Variants in PDE1C observed in about 807,000 individuals in gnomAD.
The protein encoded by PDE1C is phosphodiesterase 1C, also known as dual specificity calcium/calmodulin-dependent 3',5'-cyclic nucleotide phosphodiesterase 1C.
In PDE1C, 62 loss-of-function variants were observed where a neutral mutation model predicts 93.1. That is an observed-to-expected ratio of 0.67 (90% CI 0.54 to 0.82). PDE1C has a LOEUF of 0.82. Among genes scored for constraint, PDE1C ranks in the 40% least tolerant of loss-of-function variants. PDE1C has a pLI of 0.00. For missense variants in PDE1C, 742 were observed against 884.6 expected, an observed-to-expected ratio of 0.84 and a Z score of 2.04; for synonymous variants, 325 against 310.1, an observed-to-expected ratio of 1.05 and a Z score of -0.50.
At chr7:31,731,130 G>C in the PDE1C span, among the ~76,000 whole-genome samples, 439 of 152,140 alleles carry the variant, frequency 2.9e-3, 4 homozygotes, top group African/African-American at 9.8e-3. Flanking sequence ...ATGATGCCGT[G>C]TGACTTCTGT....
In PDE1C at chr7:32,147,308, GAAAGAAAGAAAGAA is replaced by G. The variant is rs1563352884; in HGVS notation, c.308+22463_308+22476del. Among the ~76,000 whole-genome samples, 185 of 146,280 alleles carry G rather than the reference GAAAGAAAGAAAGAA, an allele frequency of 1.3e-3. 1 individual carries two copies. Among genetic ancestry groups the G allele is most frequent in the African/African-American group, 4.9e-3 (181 of 36,836 alleles). The stretch of plus-strand genomic sequence containing the variant: ...AGAAAGAAAGAAAGAAAGAAAGAAA[GAAAGAAAGAAAGAA>G]AGAAAGAAAGACGCTGTTTGTAGGT... On this transcript the variant is annotated intron_variant, in intron 3 of 18. Coordinates refer to the PDE1C transcript ENST00000396193.
intron 1 of PDE1C, among the ~76,000 whole-genome samples, chr7:32,272,046 G>A (rs1454384528): frequency 1.3e-5 from 2 of 152,214 alleles, no homozygotes; most frequent in Admixed American, 6.5e-5. Context: ...TTGGAAGGAC[G>A]TTGCCTGAGA....
chr7:32,143,542 T>C (rs1028904623), intron 3 of PDE1C, among the ~76,000 whole-genome samples: 3 of 152,018 alleles, frequency 2.0e-5, no homozygotes, highest in Non-Finnish European at 2.9e-5. Flanking sequence ...AAATTCCTCC[T>C]GTCTGGGGGG....
At chr7:32,107,286 GAGGGAGGGAGGGAGGAAAGGAAGGAAAGA>G (rs1798376082) in intron 3 of PDE1C, among the ~76,000 whole-genome samples, 1 of 149,410 alleles carries the variant, frequency 6.7e-6, no homozygotes, top group Admixed American at 6.7e-5. Flanking sequence ...GGGAGGGAAG[GAGGGAGGGAGGGAGGAAAGGAAGGAAAGA>G]AGGAAGGGAG....
the PDE1C span, among the ~76,000 whole-genome samples, chr7:31,732,211 G>A: frequency 6.6e-6 from 1 of 152,150 alleles, no homozygotes; most frequent in Non-Finnish European, 1.5e-5. Flanking sequence ...TCTTGTGGTG[G>A]TACCAGCTGA....
chr7:32,189,056 T>C lies in PDE1C; in HGVS notation c.137-19100A>G, dbSNP rs142145613. The stretch of plus-strand genomic sequence containing the variant: ...ATTACATCTGTCCTTATCCAACTGA[T>C]GTGCACAGCCCAGAGATAATTTTCA... On this transcript the variant is annotated intron_variant, in intron 2 of 18. Transcript: ENST00000396193. Among the ~76,000 whole-genome samples, 123 of 152,334 alleles carry C rather than the reference T, an allele frequency of 8.1e-4. 1 individual carries two copies. In the East Asian group the frequency reaches 0.014, roughly 18 times the overall value.
intron 1 of PDE1C, among the ~76,000 whole-genome samples, chr7:32,212,726 G>A (rs1806138658): frequency 6.6e-6 from 1 of 152,040 alleles, no homozygotes; most frequent in South Asian, 2.1e-4. Context: ...CATCCTTTAA[G>A]ATCCAGGTGG....
intron 2 of PDE1C, among the ~76,000 whole-genome samples, chr7:31,916,662 G>T (rs1470908432): frequency 2.0e-5 from 3 of 152,178 alleles, no homozygotes; most frequent in Non-Finnish European, 4.4e-5. Context: ...CCTGCACCAG[G>T]TCCTGCTTTA....
At chr7:32,367,325 T>C (rs559350652) in intron 1 of PDE1C, among the ~76,000 whole-genome samples, 1 of 151,778 alleles carries the variant, frequency 6.6e-6, no homozygotes, top group East Asian at 1.9e-4. Context: ...ACCACAAAAA[T>C]AAACAATAAC....
chr7:32,398,864 C>G (rs1784890329), intron 1 of PDE1C, among the ~76,000 whole-genome samples: 1 of 152,054 alleles, frequency 6.6e-6, no homozygotes, highest in Non-Finnish European at 1.5e-5. Context: ...AGGTCAGCCT[C>G]CCAGATTAGG....
At chr7:31,905,613 G>A (rs1239914226) in intron 2 of PDE1C, among the ~76,000 whole-genome samples, 3 of 152,052 alleles carry the variant, frequency 2.0e-5, no homozygotes. Context: ...ATATTGCTAT[G>A]AGCATAGTGG....
At chr7:32,337,715 G>A (rs1041754265) in intron 1 of PDE1C, among the ~76,000 whole-genome samples, 2 of 108,570 alleles carry the variant, frequency 1.8e-5, no homozygotes, top group Non-Finnish European at 4.6e-5. Context: ...GAGGAGAGGA[G>A]AAAAGGGAAA....
chr7:32,426,790 T>G (rs1365545614), intron 1 of PDE1C, among the ~76,000 whole-genome samples: 1 of 152,212 alleles, frequency 6.6e-6, no homozygotes, highest in Non-Finnish European at 1.5e-5. Context: ...TTCAAGGGAA[T>G]AAGGATATAT....
intron 7 of PDE1C, among the ~76,000 whole-genome samples, chr7:31,855,121 G>A (rs1212684408): frequency 2.0e-5 from 3 of 150,630 alleles, no homozygotes; most frequent in Non-Finnish European, 4.4e-5. Context: ...AGTTCTGCCA[G>A]TCAGAAGCCC....
intron 2 of PDE1C, among the ~76,000 whole-genome samples, chr7:31,896,472 C>CAGCT (rs1394337740): frequency 1.3e-5 from 2 of 152,176 alleles, no homozygotes; most frequent in Non-Finnish European, 2.9e-5. Flanking sequence ...TTAAAACTGA[C>CAGCT]AGCTAGCCTT....
intron 2 of PDE1C, among the ~76,000 whole-genome samples, chr7:31,989,633 T>C (rs1055790775): frequency 6.6e-6 from 1 of 152,218 alleles, no homozygotes; most frequent in Non-Finnish European, 1.5e-5. Context: ...AAGAATTCAG[T>C]GTCTTCCTTG....
At chr7:32,043,380 C>T (rs570737450) in intron 2 of PDE1C, among the ~76,000 whole-genome samples, 80 of 152,262 alleles carry the variant, frequency 5.3e-4, no homozygotes, top group African/African-American at 1.9e-3. Context: ...TAGAGATTTG[C>T]CTCCTCAGGT....
intron 1 of PDE1C, among the ~76,000 whole-genome samples, chr7:32,271,958 C>T (rs1443259970): frequency 6.6e-6 from 1 of 152,154 alleles, no homozygotes; most frequent in African/African-American, 2.4e-5. Context: ...GTTTTTTCTG[C>T]CATTGGGTTA....
upstream of PDE1C, among the ~76,000 whole-genome samples, chr7:32,073,154 C>T (rs999779423): frequency 3.9e-5 from 6 of 151,962 alleles, no homozygotes; most frequent in Admixed American, 6.6e-5. Context: ...CAGAGAAAAG[C>T]AAATTTTGGA....
Sources: allele counts gnomAD v4.1 joint callset (sites outside exome capture counted in the v4.1 genomes callset), GRCh38; gene constraint gnomAD v4.1.1; transcripts MANE v1.5; gene names NCBI Gene and HGNC (gene_info 2026-07-23, HGNC 2026-07-21).